RIOX2: variants seen among roughly 807,000 people sequenced by gnomAD.
The protein encoded by RIOX2 is ribosomal oxygenase 2, also known as 60S ribosomal protein L27a histidine hydroxylase.
A neutral mutation model predicts 51.2 loss-of-function variants in RIOX2; 43 were observed. The observed-to-expected ratio is 0.84, with a 90% confidence interval of 0.66 to 1.08. RIOX2 has a LOEUF of 1.08. RIOX2 is among the 50% of genes least tolerant of loss of function. RIOX2 has a pLI of 0.00. For synonymous variants in RIOX2, 226 were observed against 218.5 expected (o/e 1.03, Z -0.30); for missense variants, 566 against 561.7 (o/e 1.01, Z -0.08).
In RIOX2 at chr3:97,945,337, A is replaced by G. The variant is rs1172775711; in HGVS notation, c.1245T>C (p.His415=). 1.2e-6 allele frequency: 2 copies of G among 1,609,332 alleles called. No individual in the cohort carries two copies. Among genetic ancestry groups the G allele is most frequent in the Non-Finnish European group, 1.7e-6 (2 of 1,177,944 alleles). The stretch of plus-strand genomic sequence containing the variant: ...AATGTGACAAAGGGAAGCGAAGTCC[A>G]TGAAACTGAAAGGATAAATTTATTT... ...MMGNEEETEF[H]GLRFPLSHLD... The change falls in exon 10 of 10, where the codon CAT becomes CAC. Residue 415 remains histidine, a synonymous_variant. Coordinates refer to ENST00000394198, the MANE Select transcript of RIOX2 (RefSeq NM_153182.4).
Position 97,942,571 on chromosome 3 carries a change from G to A in RIOX2, c.*2613C>T. The A allele has an allele frequency of 1.1e-6, 1 of 883,582 alleles. No homozygotes were observed. The highest frequency in any genetic ancestry group is 1.7e-6 in the Non-Finnish European group (1 of 599,852). 54.7% of individuals were successfully genotyped at this position (883,582 alleles called of 1,614,324 possible). On this transcript the variant is annotated 3_prime_UTR_variant, in exon 10 of 10. Transcript: ENST00000394198. ...TAAGTCATTTAAAATTATGCTTGAA[G>A]AAAATTAAGATAGGCAGTTTTACAA...
intron 2 of RIOX2, 104 bp from the exon 3 acceptor site, chr3:97,961,812 C>T (rs1194110921): frequency 2.4e-6 from 3 of 1,243,952 alleles, no homozygotes; most frequent in South Asian, 1.7e-5. Flanking sequence ...GTCTTTACTG[C>T]ACAACTATTA....
chr3:97,970,543 A>G (rs556001260), intron 1 of RIOX2, among the ~76,000 whole-genome samples: 21 of 152,378 alleles, frequency 1.4e-4, no homozygotes, highest in Admixed American at 7.8e-4. Flanking sequence ...AGCAAGAAGT[A>G]AAACACATAT....
At chr3:97,950,284 C>G (rs764096368) in intron 6 of RIOX2, among the ~76,000 whole-genome samples, 1 of 152,186 alleles carries the variant, frequency 6.6e-6, no homozygotes, top group African/African-American at 2.4e-5. Flanking sequence ...ACAGTCTGAG[C>G]TCTGCCTTTT....
Position 97,943,407 on chromosome 3 carries a change from C to T in RIOX2, c.*1777G>A, listed in dbSNP as rs1213308098. On this transcript the variant is annotated 3_prime_UTR_variant, in exon 10 of 10. Coordinates refer to ENST00000394198, the MANE Select transcript of RIOX2 (RefSeq NM_153182.4). The stretch of plus-strand genomic sequence containing the variant: ...TGGACGTGGAAAGGAAGCTACTGTC[C>T]TCACACTCCTGGATCACTGAGCAGA... The T allele has an allele frequency of 1.4e-6, 1 of 730,516 alleles. No individual in the cohort carries two copies. Among genetic ancestry groups the T allele is most frequent in the Non-Finnish European group, 2.4e-6 (1 of 419,808 alleles). The allele number at this position is 730,516 out of a possible 1,614,324, so 45.3% of individuals were successfully genotyped here. A position where few individuals can be genotyped will look rare whatever the true frequency, so the allele number is the denominator to read the frequency against.
chr3:97,954,347 G>A, intron 5 of RIOX2, 45 bp downstream of exon 5: 1 of 1,432,210 alleles, frequency 7.0e-7, no homozygotes, highest in Non-Finnish European at 9.8e-7. Context: ...TGCAGGCCAG[G>A]ACTCAGAGCT....
chr3:97,942,491 A>C lies in RIOX2; in HGVS notation c.*2693T>G, dbSNP rs1249250703. 1.3e-6 allele frequency: 2 copies of C among 1,509,396 alleles called. No individual in the cohort carries two copies. The highest frequency in any genetic ancestry group is 2.8e-5 in the African/African-American group (2 of 72,410). The allele number at this position is 1,509,396 out of a possible 1,614,324, so 93.5% of individuals were successfully genotyped here. On this transcript the variant is annotated 3_prime_UTR_variant, in exon 10 of 10. Coordinates refer to ENST00000394198, the MANE Select transcript of RIOX2 (RefSeq NM_153182.4). ...TGTTGTGTCCCTGGATATTAGTTTC[A>C]GTTCCAAATCTCCTCATTTTGGGTA...
chr3:97,949,208 T>C (rs945625095), intron 7 of RIOX2, among the ~76,000 whole-genome samples: 18 of 151,908 alleles, frequency 1.2e-4, no homozygotes, highest in African/African-American at 4.4e-4. Flanking sequence ...TTCCCTGGGG[T>C]TGGGGGCGGT....
In RIOX2 at chr3:97,945,195, G is replaced by A; in HGVS notation, c.1387C>T (p.Gln463Ter). 6.2e-7 allele frequency: 1 copy of A among 1,609,594 alleles called. No individual in the cohort carries two copies. The highest frequency in any genetic ancestry group is 8.5e-7 in the Non-Finnish European group (1 of 1,177,982). The change falls in exon 10 of 10, where the codon CAA becomes TAA. Residue 463 changes from glutamine to a stop codon, truncating the protein, a stop_gained. Coordinates refer to ENST00000394198, the MANE Select transcript of RIOX2 (RefSeq NM_153182.4). LOFTEE classifies it high-confidence loss of function. ...ATTCTGCAAAGGCACTAGACTACTTGAATTAAACATTCTGTCCAGAGGGAT... is the reference window on the plus strand; with the variant it reads ...ATTCTGCAAAGGCACTAGACTACTTAAATTAAACATTCTGTCCAGAGGGAT... The part of the protein sequence containing the change: ...VLSLWTECLI[Q>*]VV
intron 8 of RIOX2, among the ~76,000 whole-genome samples, chr3:97,947,101 C>T (rs922599469): frequency 3.3e-5 from 5 of 151,886 alleles, no homozygotes; most frequent in Non-Finnish European, 4.4e-5. Context: ...CAGTAAGGCC[C>T]GAAGTAGGAT....
chr3:97,943,237 T>A lies in RIOX2; in HGVS notation c.*1947A>T, dbSNP rs745379779. ...AATTTCTATTTTAGGAGGAAATTAT[T>A]GTGACAAGACTCATGTAATTGTAAA... On this transcript the variant is annotated 3_prime_UTR_variant, in exon 10 of 10. Coordinates refer to ENST00000394198, the MANE Select transcript of RIOX2 (RefSeq NM_153182.4). 8.3e-6 allele frequency: 13 copies of A among 1,568,440 alleles called. No individual in the cohort carries two copies. Among genetic ancestry groups the A allele is most frequent in the Non-Finnish European group, 1.1e-5 (13 of 1,144,692 alleles).
intron 3 of RIOX2, among the ~76,000 whole-genome samples, chr3:97,959,828 T>C (rs1289234233): frequency 6.6e-6 from 1 of 152,162 alleles, no homozygotes; most frequent in Non-Finnish European, 1.5e-5. Context: ...TTACAGAAGG[T>C]TAAAATTTAT....
chr3:97,942,261 T>TAATC lies in RIOX2; in HGVS notation c.*2919_*2922dup, dbSNP rs1198948430. Reference sequence around the variant, plus strand: ...CTTTAGCAAACATACTACTGCCAATTAATCATTTCTTAACCCTTTTAGGCC... The same window carrying TAATC: ...CTTTAGCAAACATACTACTGCCAATTAATCAATCATTTCTTAACCCTTTTAGGCC... On this transcript the variant is annotated 3_prime_UTR_variant, in exon 10 of 10. Coordinates refer to ENST00000394198, the MANE Select transcript of RIOX2 (RefSeq NM_153182.4). 6.3e-7 allele frequency: 1 copy of TAATC among 1,576,416 alleles called. No individual in the cohort carries two copies. The highest frequency in any genetic ancestry group is 2.3e-5 in the East Asian group (1 of 44,120).
At chr3:97,957,340 C>A (rs753477447) in intron 4 of RIOX2, among the ~76,000 whole-genome samples, 3 of 151,394 alleles carry the variant, frequency 2.0e-5, no homozygotes, top group Non-Finnish European at 4.4e-5. Flanking sequence ...ACTAAAGATA[C>A]AAAAAATTAG....
At chr3:97,954,989 G>T (rs1245163504) in intron 4 of RIOX2, among the ~76,000 whole-genome samples, 1 of 152,116 alleles carries the variant, frequency 6.6e-6, no homozygotes, top group African/African-American at 2.4e-5. Context: ...AACCTTACAG[G>T]ATTATTTTGA....
Position 97,967,317 on chromosome 3 carries a change from C to T in RIOX2, c.277G>A (p.Gly93Arg). Reference sequence around the variant, plus strand: ...TTCACATCTCTTCCATAGTACATCCCCCGGCTGCACAGACTCTTCAGATCT... The same window carrying T: ...TTCACATCTCTTCCATAGTACATCCTCCGGCTGCACAGACTCTTCAGATCT... Reference protein sequence around the residue: ...LTDLKSLCSRGMYYGRDVNVC... With the variant: ...LTDLKSLCSRRMYYGRDVNVC... The change falls in exon 2 of 10, where the codon GGG (glycine) becomes AGG (arginine). Residue 93 changes from glycine to arginine, a missense_variant. Physicochemically the swap from Gly to Arg is moderately radical, Grantham distance 125. Coordinates refer to ENST00000394198, the MANE Select transcript of RIOX2 (RefSeq NM_153182.4). The T allele has an allele frequency of 6.2e-7, 1 of 1,614,194 alleles. No homozygotes were observed. The highest frequency in any genetic ancestry group is 8.5e-7 in the Non-Finnish European group (1 of 1,180,040).
chr3:97,950,083 G>A, intron 6 of RIOX2, 68 bp from the exon 7 acceptor site: 2 of 1,551,176 alleles, frequency 1.3e-6, no homozygotes, highest in Non-Finnish European at 1.8e-6. Context: ...AGTCTCCACA[G>A]TAGACTGCAA....
chr3:97,964,818 A>ACTCTAGC (rs2307809), intron 2 of RIOX2, among the ~76,000 whole-genome samples: 21,656 of 151,810 alleles, frequency 0.14, 1,928 homozygotes, highest in South Asian at 0.28. Context: ...TACTTGGTAA[A>ACTCTAGC]CTCTAGCCTG....
intron 5 of RIOX2, among the ~76,000 whole-genome samples, chr3:97,953,017 T>C (rs1281180483): frequency 6.6e-6 from 1 of 152,156 alleles, no homozygotes; most frequent in African/African-American, 2.4e-5. Flanking sequence ...GAGGTATGCT[T>C]ACTAACTTGT....
Sources: allele counts gnomAD v4.1 joint callset (sites outside exome capture counted in the v4.1 genomes callset), GRCh38; gene constraint gnomAD v4.1.1; transcripts MANE v1.5; gene names NCBI Gene and HGNC (gene_info 2026-07-23, HGNC 2026-07-21).